Variants in HSD17B12 observed in about 807,000 individuals in gnomAD.
HSD17B12 encodes the protein hydroxysteroid 17-beta dehydrogenase 12.
HSD17B12 carries 32 observed loss-of-function variants against 39.3 expected under a neutral mutation model. The ratio of observed to expected loss-of-function variants is 0.81; its 90% CI spans 0.61 to 1.09. The LOEUF (loss-of-function observed/expected upper bound fraction) is 1.09. Ranked by LOEUF, HSD17B12 falls within the 50% of genes least tolerant of loss-of-function variation. The pLI is 0.00. For missense variants in HSD17B12, 342 were observed against 382.9 expected, an observed-to-expected ratio of 0.89 and a Z score of 0.89; for synonymous variants, 150 against 146.7, an observed-to-expected ratio of 1.02 and a Z score of -0.16.
chr11:43,580,440 A>G, the HSD17B12 span, among the ~76,000 whole-genome samples: 2 of 152,048 alleles, frequency 1.3e-5, no homozygotes. Context: ...TTAAACACCC[A>G]ATACTGAGAC....
In HSD17B12 at chr11:43,845,509, G is replaced by T. The variant is rs912081558; in HGVS notation, c.684+5445G>T. ...AACCTGGGATATATCTAAAACCTTT[G>T]TGTTTCATGACAGTGACATTTTTTA... is the stretch of plus-strand genomic sequence containing the variant. On this transcript the variant is annotated intron_variant, in intron 9 of 10. Transcript: ENST00000278353. 3.3e-5 allele frequency among the ~76,000 whole-genome samples: 5 copies of T among 152,054 alleles called. No homozygotes were observed. The East Asian group carries it at 9.6e-4, about 29-fold the overall frequency.
At chr11:43,835,125 T>G (rs1006694906) in intron 7 of HSD17B12, among the ~76,000 whole-genome samples, 2 of 152,194 alleles carry the variant, frequency 1.3e-5, no homozygotes, top group African/African-American at 2.4e-5. Context: ...CTTCCAATCT[T>G]AGAATTGTTC....
chr11:43,757,657 A>AAAC (rs1950521140), intron 3 of HSD17B12, among the ~76,000 whole-genome samples: 2 of 143,784 alleles, frequency 1.4e-5, no homozygotes, highest in African/African-American at 5.2e-5. Context: ...AAAAAAAAAA[A>AAAC]AAAAAAAAAA....
the HSD17B12 span, among the ~76,000 whole-genome samples, chr11:43,629,486 G>A: frequency 6.6e-6 from 1 of 152,052 alleles, no homozygotes; most frequent in Non-Finnish European, 1.5e-5. Context: ...CATATTGTGC[G>A]ACTCTAACCA....
chr11:43,748,805 T>G (rs1165458903), intron 1 of HSD17B12, among the ~76,000 whole-genome samples: 1 of 152,178 alleles, frequency 6.6e-6, no homozygotes, highest in Non-Finnish European at 1.5e-5. Flanking sequence ...GAGTACCAGT[T>G]TATTTTGAAA....
intron 1 of HSD17B12, among the ~76,000 whole-genome samples, chr11:43,690,399 TATA>T (rs1400156832): frequency 9.6e-5 from 4 of 41,510 alleles, no homozygotes; most frequent in African/African-American, 5.4e-4. Flanking sequence ...TATATATATA[TATA>T]TATTTTTTTT....
chr11:43,710,413 A>G (rs1457246933), intron 1 of HSD17B12, among the ~76,000 whole-genome samples: 1 of 152,192 alleles, frequency 6.6e-6, no homozygotes, highest in Non-Finnish European at 1.5e-5. Context: ...TACTTGAACC[A>G]TCTTTTGCAA....
At chr11:43,582,043 A>T in the HSD17B12 span, among the ~76,000 whole-genome samples, 1 of 152,072 alleles carries the variant, frequency 6.6e-6, no homozygotes, top group Non-Finnish European at 1.5e-5. Context: ...GTAGATCCGA[A>T]AAAGAGGGAA....
At chr11:43,637,523 C>T in the HSD17B12 span, among the ~76,000 whole-genome samples, 2 of 151,970 alleles carry the variant, frequency 1.3e-5, no homozygotes, top group South Asian at 4.2e-4. Flanking sequence ...GCCTGGCTGA[C>T]ACTATTGTTT....
At chr11:43,710,898 C>G (rs1950058898) in intron 1 of HSD17B12, among the ~76,000 whole-genome samples, 1 of 152,134 alleles carries the variant, frequency 6.6e-6, no homozygotes, top group African/African-American at 2.4e-5. Flanking sequence ...TCAAGTGATT[C>G]TCCTGCCTCA....
At chr11:43,807,885 A>G (rs961155594) in intron 4 of HSD17B12, among the ~76,000 whole-genome samples, 1 of 152,214 alleles carries the variant, frequency 6.6e-6, no homozygotes, top group African/African-American at 2.4e-5. Flanking sequence ...GCACTCTTTC[A>G]TGCCAGCCAC....
the HSD17B12 span, among the ~76,000 whole-genome samples, chr11:43,580,353 T>C: frequency 1.7e-5 from 2 of 116,898 alleles, no homozygotes; most frequent in Non-Finnish European, 3.3e-5. Context: ...CCCCCTAGCA[T>C]TCTGCAGAAT....
chr11:43,624,221 G>A, the HSD17B12 span, among the ~76,000 whole-genome samples: 5 of 152,078 alleles, frequency 3.3e-5, no homozygotes, highest in Admixed American at 6.6e-5. Flanking sequence ...TTGTTTTTCT[G>A]TGCATTCAAC....
intron 9 of HSD17B12, chr11:43,852,549 G>C (rs1262893791): frequency 6.6e-6 from 1 of 151,904 alleles, no homozygotes; most frequent in Non-Finnish European, 1.5e-5. Context: ...CATTATGTGA[G>C]ATCAGAGTAT....
At chr11:43,766,784 G>A (rs1361278302) in intron 3 of HSD17B12, among the ~76,000 whole-genome samples, 2 of 152,164 alleles carry the variant, frequency 1.3e-5, no homozygotes, top group African/African-American at 4.8e-5. Context: ...TTGAAATTTA[G>A]CTTATGGTCC....
At chr11:43,852,268 TCTC>T (rs1951539224) in intron 9 of HSD17B12, 1 of 152,066 alleles carries the variant, frequency 6.6e-6, no homozygotes, top group East Asian at 1.9e-4. Flanking sequence ...GCAACTTAAT[TCTC>T]CTACAAGATC....
Position 43,798,412 on chromosome 11 carries a change from G to T in HSD17B12, c.376G>T (p.Glu126Ter). 6.2e-7 allele frequency: 1 copy of T among 1,608,320 alleles called. No individual in the cohort carries two copies. Among genetic ancestry groups the T allele is most frequent in the South Asian group, 1.1e-5 (1 of 90,748 alleles). Residue 126 changes from glutamate to a stop codon, truncating the protein, a stop_gained, in exon 4 of 11, where the codon GAA (glutamate) becomes TAA (stop). Coordinates refer to ENST00000278353, the MANE Select transcript of HSD17B12 (RefSeq NM_016142.3). LOFTEE classifies it high-confidence loss of function. ...AATTAAAACAGGCTTGGCTGGTCTT[G>T]AAATCGGCATCTTAGGTTTGTATTT... is the stretch of plus-strand genomic sequence containing the variant. Reference protein sequence around the residue: ...DKIKTGLAGLEIGILVNNVGM... With the variant: ...DKIKTGLAGL
At chr11:43,679,863 A>C (rs909525773), upstream of HSD17B12, among the ~76,000 whole-genome samples, 9 of 152,084 alleles carry the variant, frequency 5.9e-5, no homozygotes, top group African/African-American at 2.2e-4. Context: ...AGGGCTCTCT[A>C]TGAGTGAGTG....
chr11:43,676,285 T>C (rs1949694863), upstream of HSD17B12, among the ~76,000 whole-genome samples: 1 of 151,706 alleles, frequency 6.6e-6, no homozygotes, highest in African/African-American at 2.4e-5. Flanking sequence ...TTTGAAATGT[T>C]TATTTTATAT....
Sources: gnomAD v4.1 joint callset for allele counts (sites outside exome capture counted in the v4.1 genomes callset) on GRCh38, gnomAD v4.1.1 for gene constraint, MANE v1.5 for transcripts, NCBI Gene and HGNC (gene_info 2026-07-23, HGNC 2026-07-21) for gene names.